Variants in TANGO6 observed in about 807,000 individuals in gnomAD.
TANGO6 encodes the protein transport and Golgi organization protein 6 homolog.
Under a neutral mutation model 114.2 loss-of-function variants are expected in TANGO6, and 90 were observed. The ratio of observed to expected loss-of-function variants is 0.79; its 90% CI spans 0.66 to 0.94. The LOEUF is 0.94. Ranked by LOEUF, TANGO6 falls within the 40% of genes least tolerant of loss-of-function variation. TANGO6 has a pLI of 0.00. For synonymous variants in TANGO6, 477 were observed against 509.8 expected (o/e 0.94, Z 0.87); for missense variants, 1,274 against 1,315.3 (o/e 0.97, Z 0.49).
intron 7 of TANGO6, among the ~76,000 whole-genome samples, chr16:68,896,835 C>T (rs1298445311): frequency 1.3e-5 from 2 of 152,084 alleles, no homozygotes; most frequent in East Asian, 3.8e-4. Flanking sequence ...AAAAAAAAGT[C>T]CTATGTCTCT....
At chr16:68,862,863 C>G (rs1962118925) in intron 2 of TANGO6, 82 bp from the exon 3 acceptor site, 1 of 895,120 alleles carries the variant, frequency 1.1e-6, no homozygotes, top group Non-Finnish European at 1.8e-6. Flanking sequence ...TCACAAGTAT[C>G]TCTGTACAGT....
intron 14 of TANGO6, chr16:68,973,226 G>A (rs1288971960): frequency 2.3e-6 from 1 of 444,360 alleles, no homozygotes; most frequent in Non-Finnish European, 4.5e-6. Context: ...GGTAGAAGTG[G>A]GTTCTCATCC....
intron 16 of TANGO6, among the ~76,000 whole-genome samples, chr16:69,023,779 T>C (rs933974725): frequency 6.6e-6 from 1 of 152,190 alleles, no homozygotes; most frequent in Non-Finnish European, 1.5e-5. Flanking sequence ...GCTCAGCATT[T>C]CATACCCAGT....
chr16:68,973,943 C>T (rs3743677), intron 14 of TANGO6, 85 bp from the exon 15 acceptor site: 124,750 of 1,445,346 alleles, frequency 0.086, 7,332 homozygotes, highest in African/African-American at 0.3. Context: ...AGCATCTCTG[C>T]GTTCATCCCA....
chr16:69,019,474 G>T (rs1959364510), intron 15 of TANGO6, among the ~76,000 whole-genome samples: 2 of 152,148 alleles, frequency 1.3e-5, no homozygotes, highest in African/African-American at 2.4e-5. Context: ...TATACTGTAT[G>T]GAAGGTACAT....
At chr16:68,942,808 G>T (rs1235432862) in intron 14 of TANGO6, among the ~76,000 whole-genome samples, 2 of 152,090 alleles carry the variant, frequency 1.3e-5, no homozygotes, top group Non-Finnish European at 2.9e-5. Flanking sequence ...ATGCAGTGAT[G>T]TATGACCTAT....
In TANGO6 at chr16:69,042,761, A is replaced by G. The variant is rs555874619; in HGVS notation, c.3108+2340A>G. On this transcript the variant is annotated intron_variant, in intron 17 of 17. Transcript: ENST00000261778. ...AGAATCCACTGTATGAGAGGGAGTT[A>G]AGAAGAATCAGTGTTTTTCATCCAT... 3.3e-5 allele frequency among the ~76,000 whole-genome samples: 5 copies of G among 152,334 alleles called. No homozygotes were observed. In the South Asian group the frequency reaches 1.0e-3, roughly 32 times the overall value.
At chr16:68,846,913 G>C (rs572550436) in intron 1 of TANGO6, 2 of 148,692 alleles carry the variant, frequency 1.3e-5, no homozygotes, top group South Asian at 4.3e-4. Context: ...TTTTTGTGGC[G>C]GAGTTTCGCT....
rs145226838 is a variant in TANGO6 at position 69,070,746 on chromosome 16, ATATTATTATTATTATTATTAT to A, written c.3109-12719_3109-12699del. ...TAATTGCTATAGTTTGCAAGAATCAATATTATTATTATTATTATTATTATTATTATTATTATTATTTTCTGA... is the reference window on the plus strand; with the variant it reads ...TAATTGCTATAGTTTGCAAGAATCAATATTATTATTATTATTATTTTCTGA... On this transcript the variant is annotated intron_variant, in intron 17 of 17. Transcript: ENST00000261778. Among the ~76,000 whole-genome samples the A allele has an allele frequency of 4.7e-4, 66 of 141,742 alleles. 1 individual carries two copies. The highest frequency in any genetic ancestry group is 1.7e-3 in the African/African-American group (65 of 38,696). 93.0% of individuals were successfully genotyped at this position (141,742 alleles called of 152,430 possible).
chr16:69,033,394 C>T (rs1022162240), intron 16 of TANGO6, among the ~76,000 whole-genome samples: 6 of 152,104 alleles, frequency 3.9e-5, no homozygotes, highest in Non-Finnish European at 1.5e-5. Context: ...CTAGAAGACA[C>T]AAATAAAGGA....
chr16:68,909,296 A>G lies in TANGO6; in HGVS notation c.1886A>G (p.His629Arg). The G allele has an allele frequency of 1.1e-5, 18 of 1,611,924 alleles. No individual in the cohort carries two copies. Among genetic ancestry groups the G allele is most frequent in the Non-Finnish European group, 1.5e-5 (18 of 1,178,940 alleles). ...AAGAGCCTCTTGGAATTAGAGCAAC[A>G]TCAGACTCTTCTTGTGGAAGGCCAA... The part of the protein sequence containing the change: ...SSKSLLELEQ[H>R]QTLLVEGQER... The change falls in exon 11 of 18, where the codon CAT becomes CGT. Residue 629 changes from histidine (H) to arginine (R), a missense_variant. His to Arg is a conservative substitution (Grantham distance 29, BLOSUM62 0). This residue lies in a region of TANGO6 where 908 missense variants were observed against 910.2 expected (regional missense o/e 1.00). Transcript: ENST00000261778.
intron 17 of TANGO6, among the ~76,000 whole-genome samples, 186 bp from the exon 18 acceptor site, chr16:69,083,296 AGTG>A (rs1316549069): frequency 6.6e-6 from 1 of 151,960 alleles, no homozygotes; most frequent in Non-Finnish European, 1.5e-5. Context: ...CCTGGACTCA[AGTG>A]ATTTGCCTGC....
At chr16:68,990,384 C>T (rs779549212) in intron 15 of TANGO6, among the ~76,000 whole-genome samples, 12 of 152,154 alleles carry the variant, frequency 7.9e-5, no homozygotes, top group East Asian at 1.9e-4. Flanking sequence ...GAGAACCAAG[C>T]GACAGGGGTT....
At chr16:69,078,493 T>A (rs1290694637) in intron 17 of TANGO6, among the ~76,000 whole-genome samples, 1 of 152,184 alleles carries the variant, frequency 6.6e-6, no homozygotes, top group African/African-American at 2.4e-5. Context: ...CCATCTCCAG[T>A]GAACTTTCCT....
In TANGO6 at chr16:68,958,091, G is replaced by C. The variant is rs534392486; in HGVS notation, c.2702-15937G>C. 2.6e-5 allele frequency among the ~76,000 whole-genome samples: 4 copies of C among 151,494 alleles called. No homozygotes were observed. In the East Asian group the frequency reaches 7.8e-4, roughly 29 times the overall value. ...GGAGGCTGAGGCAGGAGAATCACTT[G>C]AACCGGGAGGCAAAGGTTGTAGCGA... On this transcript the variant is annotated intron_variant, in intron 14 of 17. Coordinates refer to ENST00000261778, the MANE Select transcript of TANGO6 (RefSeq NM_024562.2).
At chr16:68,866,501 T>A (rs928998988) in intron 3 of TANGO6, among the ~76,000 whole-genome samples, 3 of 150,862 alleles carry the variant, frequency 2.0e-5, no homozygotes, top group Admixed American at 1.3e-4. Context: ...CGGGCGCCTG[T>A]AGTCCCAGCT....
At chr16:69,002,566 C>T (rs1964053890) in intron 15 of TANGO6, among the ~76,000 whole-genome samples, 1 of 152,168 alleles carries the variant, frequency 6.6e-6, no homozygotes, top group African/African-American at 2.4e-5. Flanking sequence ...TCATGTAAGA[C>T]ATGCCTCTTC....
chr16:69,061,739 C>CG (rs764652506), intron 17 of TANGO6, among the ~76,000 whole-genome samples: 6 of 151,154 alleles, frequency 4.0e-5, no homozygotes, highest in African/African-American at 1.2e-4. Flanking sequence ...CATTTCCGGC[C>CG]GGGCGCGCGG....
At chr16:68,984,782 A>C (rs959465292) in intron 15 of TANGO6, among the ~76,000 whole-genome samples, 16 of 152,168 alleles carry the variant, frequency 1.1e-4, no homozygotes, top group Non-Finnish European at 2.2e-4. Flanking sequence ...TCAGCCTCTC[A>C]AAGTGTTGGG....
Sources: gnomAD v4.1 joint callset for allele counts (sites outside exome capture counted in the v4.1 genomes callset) on GRCh38, gnomAD v4.1.1 for gene constraint, gnomAD v4.1.1 regional missense constraint, MANE v1.5 for transcripts, NCBI Gene and HGNC (gene_info 2026-07-23, HGNC 2026-07-21) for gene names.